Variants in CNTN5 observed in about 807,000 individuals in gnomAD.
CNTN5 encodes the protein contactin 5.
CNTN5 carries 77 observed loss-of-function variants against 129.1 expected under a neutral mutation model. That is an observed-to-expected ratio of 0.60 (90% CI 0.50 to 0.72). The LOEUF is 0.72. Ranked by LOEUF, CNTN5 falls within the 30% of genes least tolerant of loss-of-function variation. CNTN5 has a pLI of 0.00. For synonymous variants in CNTN5, 509 were observed against 465.6 expected (o/e 1.09, Z -1.20); for missense variants, 1,478 against 1,328.8 (o/e 1.11, Z -1.75).
intron 8 of CNTN5, among the ~76,000 whole-genome samples, chr11:99,975,709 C>T (rs1016318221): frequency 6.6e-6 from 1 of 152,042 alleles, no homozygotes; most frequent in African/African-American, 2.4e-5. Flanking sequence ...TACCACCCCC[C>T]TGATCCAATC....
At chr11:99,161,777 T>G (rs1247603718) in intron 1 of CNTN5, among the ~76,000 whole-genome samples, 2 of 152,170 alleles carry the variant, frequency 1.3e-5, no homozygotes, top group African/African-American at 4.8e-5. Context: ...CCATTGTAGG[T>G]AGCAAAGCAT....
intron 3 of CNTN5, among the ~76,000 whole-genome samples, chr11:99,772,541 T>A (rs1286322831): frequency 1.3e-5 from 2 of 152,200 alleles, no homozygotes; most frequent in East Asian, 1.9e-4. Context: ...CCTTCCTGTT[T>A]CACTGATACT....
rs144024341 is a variant in CNTN5 at position 99,427,583 on chromosome 11, G to A, written c.-71+102099G>A. The stretch of plus-strand genomic sequence containing the variant: ...AGATTGAGACCATCTTGGCTAACAC[G>A]GTAAAACCCTGTCTCTACTAAAAAT... On this transcript the variant is annotated intron_variant, in intron 2 of 24. Transcript: ENST00000524871. Among the ~76,000 whole-genome samples the A allele has an allele frequency of 5.7e-3, 863 of 151,674 alleles. 40 individuals carry two copies. The South Asian group carries it at 0.081, about 14-fold the overall frequency.
At chr11:99,617,419 A>G (rs1299283293) in intron 3 of CNTN5, among the ~76,000 whole-genome samples, 1 of 152,204 alleles carries the variant, frequency 6.6e-6, no homozygotes, top group East Asian at 1.9e-4. Flanking sequence ...GATTTTTGAT[A>G]GACACAATGG....
intron 3 of CNTN5, among the ~76,000 whole-genome samples, chr11:99,609,099 C>T (rs1486162612): frequency 1.3e-5 from 2 of 152,144 alleles, no homozygotes; most frequent in East Asian, 1.9e-4. Flanking sequence ...GACAGATGAT[C>T]CATATAGCTT....
intron 1 of CNTN5, among the ~76,000 whole-genome samples, chr11:99,094,747 T>A (rs1416202085): frequency 6.6e-6 from 1 of 151,914 alleles, no homozygotes; most frequent in Non-Finnish European, 1.5e-5. Flanking sequence ...ATTACAAGTA[T>A]TTTTTACCAA....
intron 6 of CNTN5, among the ~76,000 whole-genome samples, chr11:99,912,131 AGAAG>A (rs1237786943): frequency 6.6e-6 from 1 of 151,966 alleles, no homozygotes. Context: ...AAGAATGTCA[AGAAG>A]GAAGGAAGAC....
intron 2 of CNTN5, among the ~76,000 whole-genome samples, chr11:99,409,753 G>T (rs951787640): frequency 9.9e-5 from 15 of 152,216 alleles, no homozygotes; most frequent in African/African-American, 3.4e-4. Flanking sequence ...CAGCCATCAA[G>T]TGTGGGTTGC....
intron 1 of CNTN5, among the ~76,000 whole-genome samples, chr11:99,320,959 G>A (rs952660108): frequency 2.6e-5 from 4 of 152,148 alleles, no homozygotes; most frequent in African/African-American, 9.7e-5. Context: ...TAGAACAGAA[G>A]GGTGACCCAC....
chr11:99,400,359 G>A (rs1390872810), intron 2 of CNTN5, among the ~76,000 whole-genome samples: 2 of 151,998 alleles, frequency 1.3e-5, no homozygotes, highest in African/African-American at 2.4e-5. Context: ...TGGACTGAAG[G>A]GTGAGTTCTA....
At chr11:99,841,224 G>C (rs930607463) in intron 4 of CNTN5, among the ~76,000 whole-genome samples, 15 of 152,266 alleles carry the variant, frequency 9.9e-5, no homozygotes, top group African/African-American at 3.4e-4. Context: ...ACAGCAAAGA[G>C]ATGTCTCACA....
intron 6 of CNTN5, among the ~76,000 whole-genome samples, chr11:99,848,122 A>G (rs1313198034): frequency 6.6e-6 from 1 of 152,090 alleles, no homozygotes; most frequent in Non-Finnish European, 1.5e-5. Flanking sequence ...GAGGCAGGAG[A>G]TCGCTTGAAC....
chr11:100,115,493 A>G (rs919054641), intron 13 of CNTN5, among the ~76,000 whole-genome samples: 3 of 152,070 alleles, frequency 2.0e-5, no homozygotes, highest in African/African-American at 7.2e-5. Flanking sequence ...AGTTGAGTAT[A>G]TATTTGAAGC....
At chr11:99,719,289 C>T (rs1220013062) in intron 3 of CNTN5, among the ~76,000 whole-genome samples, 1 of 151,912 alleles carries the variant, frequency 6.6e-6, no homozygotes, top group East Asian at 1.9e-4. Flanking sequence ...CACTGTACTC[C>T]TGCTTGGGCG....
At chr11:99,249,466 G>A (rs1373554387) in intron 1 of CNTN5, among the ~76,000 whole-genome samples, 1 of 151,922 alleles carries the variant, frequency 6.6e-6, no homozygotes, top group Non-Finnish European at 1.5e-5. Flanking sequence ...ACATTTAATA[G>A]CTGTGACCAT....
intron 1 of CNTN5, among the ~76,000 whole-genome samples, chr11:99,114,520 A>T (rs1857950359): frequency 1.7e-5 from 2 of 118,804 alleles, no homozygotes; most frequent in African/African-American, 3.3e-5. Flanking sequence ...CTTCCTTTTT[A>T]CTCTTTCTTC....
intron 3 of CNTN5, among the ~76,000 whole-genome samples, chr11:99,769,225 C>G (rs548310957): frequency 8.5e-4 from 129 of 152,194 alleles, no homozygotes; most frequent in African/African-American, 3.0e-3. Context: ...GCCTTAAATT[C>G]TGAAGCAACA....
intron 1 of CNTN5, among the ~76,000 whole-genome samples, chr11:99,200,168 A>G (rs1347132814): frequency 2.0e-5 from 3 of 152,160 alleles, no homozygotes; most frequent in Non-Finnish European, 2.9e-5. Context: ...TTTTCTATAA[A>G]AGATCTCTCA....
intron 13 of CNTN5, among the ~76,000 whole-genome samples, chr11:100,113,918 A>T (rs1371441462): frequency 6.6e-6 from 1 of 152,086 alleles, no homozygotes; most frequent in Non-Finnish European, 1.5e-5. Flanking sequence ...TAACATAAGT[A>T]CATTTCTAAA....
Sources: gnomAD v4.1 joint callset for allele counts (sites outside exome capture counted in the v4.1 genomes callset) on GRCh38, gnomAD v4.1.1 for gene constraint, MANE v1.5 for transcripts, NCBI Gene and HGNC (gene_info 2026-07-23, HGNC 2026-07-21) for gene names.